Variants in HECTD4 observed in about 807,000 individuals in gnomAD.
HECTD4 encodes probable E3 ubiquitin-protein ligase HECTD4.
HECTD4 carries 114 observed loss-of-function variants against 471.5 expected under a neutral mutation model. The observed-to-expected ratio is 0.24, with a 90% CI of 0.21 to 0.28. The LOEUF is 0.28. Ranked by LOEUF, HECTD4 falls within the 10% of genes least tolerant of loss-of-function variation. The pLI, the probability that HECTD4 is intolerant of heterozygous loss-of-function variation, is 1.00. For synonymous variants in HECTD4, 2,012 were observed against 2,256.0 expected (o/e 0.89, Z 3.07); for missense variants, 3,866 against 5,651.5 (o/e 0.68, Z 10.13).
At chr12:112,284,814 C>T (rs554806373) in intron 7 of HECTD4, among the ~76,000 whole-genome samples, 10 of 152,192 alleles carry the variant, frequency 6.6e-5, no homozygotes, top group South Asian at 2.1e-4. Context: ...TGGCAGAACA[C>T]AAGCCTGGTT....
At chr12:112,314,684 T>TA (rs1014174591) in intron 2 of HECTD4, 138 bp from the exon 3 acceptor site, 61 of 602,064 alleles carry the variant, frequency 1.0e-4, no homozygotes, top group Non-Finnish European at 9.4e-5. Flanking sequence ...TGATGTGTTG[T>TA]AAAAAAAATA....
At chr12:112,217,427 C>T (rs1294597270) in intron 45 of HECTD4, among the ~76,000 whole-genome samples, 3 of 152,168 alleles carry the variant, frequency 2.0e-5, no homozygotes, top group South Asian at 2.1e-4. Flanking sequence ...AATCATAGCT[C>T]GCTGCAGCCT....
chr12:112,314,015 T>G (rs1225047029), intron 3 of HECTD4, among the ~76,000 whole-genome samples: 1 of 152,022 alleles, frequency 6.6e-6, no homozygotes, highest in Non-Finnish European at 1.5e-5. Flanking sequence ...ATCTCAAAAT[T>G]TGCATCAGAA....
intron 23 of HECTD4, 141 bp downstream of exon 23, chr12:112,252,283 T>C: frequency 1.4e-6 from 1 of 736,970 alleles, no homozygotes; most frequent in Admixed American, 3.1e-5. Context: ...TAACTGCTAG[T>C]AGTTGACTAG....
chr12:112,313,253 T>G, intron 3 of HECTD4, 106 bp from the exon 4 acceptor site: 2 of 681,436 alleles, frequency 2.9e-6, no homozygotes, highest in Non-Finnish European at 4.5e-6. Context: ...AAAACTAAGA[T>G]GTATAATATT....
intron 1 of HECTD4, among the ~76,000 whole-genome samples, chr12:112,366,948 G>A (rs569257315): frequency 8.1e-5 from 12 of 147,926 alleles, no homozygotes; most frequent in African/African-American, 2.2e-4. Context: ...TTTTTGTATC[G>A]TACATGTGGG....
rs78031462 is a variant in HECTD4 at position 112,368,275 on chromosome 12, T to C, written c.177+13677A>G. Among the ~76,000 whole-genome samples, 1,127 of 152,322 alleles carry C rather than the reference T, an allele frequency of 7.4e-3. 14 individuals carry two copies. The highest frequency in any genetic ancestry group is 0.026 in the African/African-American group (1,092 of 41,566). The stretch of plus-strand genomic sequence containing the variant: ...ACCAAATGTGCTTAATAGCACTTTC[T>C]AAACTACAAGCTCCATGCAAATATT... On this transcript the variant is annotated intron_variant, in intron 1 of 75. Transcript: ENST00000682272.
intron 37 of HECTD4, among the ~76,000 whole-genome samples, chr12:112,233,453 G>C (rs1361453115): frequency 6.6e-6 from 1 of 151,740 alleles, no homozygotes. Context: ...GAACTCCTGG[G>C]CTCAAGCCAT....
At chr12:112,199,751 A>C (rs1218594314) in intron 55 of HECTD4, among the ~76,000 whole-genome samples, 3 of 152,198 alleles carry the variant, frequency 2.0e-5, no homozygotes, top group African/African-American at 7.2e-5. Context: ...AGGCACATAG[A>C]AAGCACTCAA....
At chr12:112,347,653 C>T (rs561851257) in intron 1 of HECTD4, among the ~76,000 whole-genome samples, 14 of 152,308 alleles carry the variant, frequency 9.2e-5, no homozygotes, top group South Asian at 8.3e-4. Flanking sequence ...AAATATCATA[C>T]GTCAGAACCC....
In HECTD4 at chr12:112,213,255, A is replaced by G. The variant is rs1828146248; in HGVS notation, c.7466-605T>C. ...TATTTTCCTGGCAGGCAAGAAAAAAATGAAAAACACTAGGTACTATTTTTA... is the reference window on the plus strand; with the variant it reads ...TATTTTCCTGGCAGGCAAGAAAAAAGTGAAAAACACTAGGTACTATTTTTA... On this transcript the variant is annotated intron_variant, in intron 48 of 75. Coordinates refer to ENST00000682272, the MANE Select transcript of HECTD4 (RefSeq NM_001388303.1). This position sits in a 1 kb window ranked among gnomAD's most constrained non-coding sequence, Gnocchi z 4.0. Among the ~76,000 whole-genome samples, 2 of 152,220 alleles carry G rather than the reference A, an allele frequency of 1.3e-5. No individual in the cohort carries two copies. The highest frequency in any genetic ancestry group is 4.8e-5 in the African/African-American group (2 of 41,450).
chr12:112,209,100 C>T (rs1248414788), intron 50 of HECTD4, among the ~76,000 whole-genome samples: 1 of 151,750 alleles, frequency 6.6e-6, no homozygotes, highest in African/African-American at 2.4e-5. Flanking sequence ...CAGGGTCTCA[C>T]TGTGTTGCCT....
intron 6 of HECTD4, among the ~76,000 whole-genome samples, chr12:112,308,504 G>T (rs1367621293): frequency 6.8e-6 from 1 of 146,106 alleles, no homozygotes; most frequent in Admixed American, 6.9e-5. Flanking sequence ...TGACTGTCTA[G>T]AATTTTTTCT....
rs1352545441 is a variant in HECTD4 at position 112,239,697 on chromosome 12, T to G, written c.5105+184A>C. ...TAACCCTAATGGCTGCATTTAGTCA[T>G]GTTGGAACTCAATAATAAGAAATTT... On this transcript the variant is annotated intron_variant, in intron 33 of 75. Coordinates refer to ENST00000682272, the MANE Select transcript of HECTD4 (RefSeq NM_001388303.1). The surrounding 1 kb of genome is among the most constrained non-coding windows in gnomAD (Gnocchi z 4.9). Among the ~76,000 whole-genome samples, 1 of 152,254 alleles carries G rather than the reference T, an allele frequency of 6.6e-6. No individual in the cohort carries two copies. The highest frequency in any genetic ancestry group is 2.1e-4 in the South Asian group (1 of 4,834).
intron 1 of HECTD4, among the ~76,000 whole-genome samples, chr12:112,346,130 G>C (rs546008282): frequency 9.2e-5 from 14 of 152,308 alleles, no homozygotes; most frequent in South Asian, 2.1e-4. Flanking sequence ...AAAACTGCGG[G>C]TTTAGAAGGT....
rs2036913967 is a variant in HECTD4 at position 112,382,346 on chromosome 12, G to A, written c.-218C>T. On this transcript the variant is annotated 5_prime_UTR_variant, in exon 1 of 76. Coordinates refer to ENST00000682272, the MANE Select transcript of HECTD4 (RefSeq NM_001388303.1). ...CGGCCCTGCCGCCGCCGCCGCCGCCGCCGCCGCCGCCGCCCTCAGGAGCAG... is the reference window on the plus strand; with the variant it reads ...CGGCCCTGCCGCCGCCGCCGCCGCCACCGCCGCCGCCGCCCTCAGGAGCAG... 7.4e-6 allele frequency: 3 copies of A among 404,206 alleles called. No homozygotes were observed. The highest frequency in any genetic ancestry group is 1.3e-5 in the Non-Finnish European group (3 of 237,350). The allele number at this position is 404,206 out of a possible 1,614,324, so 25.0% of individuals were successfully genotyped here.
chr12:112,165,353 T>C (rs1204622106), intron 72 of HECTD4, among the ~76,000 whole-genome samples: 2 of 146,840 alleles, frequency 1.4e-5, no homozygotes, highest in East Asian at 4.0e-4. Flanking sequence ...CAACTAATTT[T>C]TTTTTTTTTT....
chr12:112,377,290 CA>C (rs1019524673), intron 1 of HECTD4, among the ~76,000 whole-genome samples: 1 of 151,134 alleles, frequency 6.6e-6, no homozygotes, highest in Admixed American at 6.6e-5. Flanking sequence ...AAAAATAAAA[CA>C]AAAAAACGGA....
At chr12:112,224,499 C>T (rs1414978505) in intron 44 of HECTD4, among the ~76,000 whole-genome samples, 1 of 152,118 alleles carries the variant, frequency 6.6e-6, no homozygotes, top group East Asian at 1.9e-4. Flanking sequence ...ATCTCCTGAC[C>T]TCATGATCTG....
Sources: allele counts gnomAD v4.1 joint callset (sites outside exome capture counted in the v4.1 genomes callset), GRCh38; gene constraint gnomAD v4.1.1; non-coding constraint Gnocchi (gnomAD v3.1); transcripts MANE v1.5; gene names NCBI Gene and HGNC (gene_info 2026-07-23, HGNC 2026-07-21).